Variants in USP25 observed in about 807,000 individuals in gnomAD.
USP25 encodes ubiquitin carboxyl-terminal hydrolase 25.
In USP25, 85 loss-of-function variants were observed where a neutral mutation model predicts 158.5. That is an observed-to-expected ratio of 0.54 (90% CI 0.45 to 0.64). USP25 has a LOEUF of 0.64. Ranked by LOEUF, USP25 falls within the 30% of genes least tolerant of loss-of-function variation. USP25 has a pLI of 0.00. For synonymous variants in USP25, 464 were observed against 460.4 expected (o/e 1.01, Z -0.10); for missense variants, 1,242 against 1,327.3 (o/e 0.94, Z 1.00).
intron 1 of USP25, among the ~76,000 whole-genome samples, chr21:15,742,351 A>G (rs1027575171): frequency 6.6e-6 from 1 of 152,170 alleles, no homozygotes; most frequent in African/African-American, 2.4e-5. Flanking sequence ...GCCAGGAATG[A>G]TGTACCATTA....
rs1165765079 is a variant in USP25, at chr21:15,816,749, A to G, written c.932-1949A>G. Among the ~76,000 whole-genome samples, 1 of 152,066 alleles carries G rather than the reference A, an allele frequency of 6.6e-6. No individual in the cohort carries two copies. ...AACTGTCTTCTCAAATTGAAATCTCATGGATCATAATGAACCAGTGATTTC... is the reference window on the plus strand; with the variant it reads ...AACTGTCTTCTCAAATTGAAATCTCGTGGATCATAATGAACCAGTGATTTC... On this transcript the variant is annotated intron_variant, in intron 9 of 25. Transcript: ENST00000400183. This position sits in a 1 kb window ranked among gnomAD's most constrained non-coding sequence, Gnocchi z 4.0.
chr21:15,791,075 C>G (rs528952011), intron 4 of USP25, among the ~76,000 whole-genome samples: 1 of 151,506 alleles, frequency 6.6e-6, no homozygotes, highest in Admixed American at 6.6e-5. Flanking sequence ...ACTAAGTGGT[C>G]GGTGATAAAA....
intron 1 of USP25, among the ~76,000 whole-genome samples, chr21:15,755,772 T>C (rs1461636651): frequency 6.6e-6 from 1 of 152,164 alleles, no homozygotes; most frequent in African/African-American, 2.4e-5. Context: ...CATACAAATT[T>C]ATTGACATGG....
chr21:15,855,510 G>T (rs1243912145), intron 20 of USP25, among the ~76,000 whole-genome samples: 1 of 152,096 alleles, frequency 6.6e-6, no homozygotes, highest in African/African-American at 2.4e-5. Context: ...TTCCCTAAAG[G>T]TATACGCAGG....
intron 24 of USP25, chr21:15,877,155 A>T (rs908980399): frequency 6.6e-6 from 1 of 152,216 alleles, no homozygotes; most frequent in Non-Finnish European, 1.5e-5. Context: ...CAGAAACTTC[A>T]TGGCCTTCAA....
intron 4 of USP25, among the ~76,000 whole-genome samples, chr21:15,788,330 A>G (rs879368997): frequency 1.3e-5 from 2 of 152,036 alleles, no homozygotes; most frequent in Non-Finnish European, 2.9e-5. Context: ...GTACTAGATT[A>G]TAGAAGGGGA....
chr21:15,823,097 A>G (rs1202596991), intron 10 of USP25, among the ~76,000 whole-genome samples: 4 of 152,070 alleles, frequency 2.6e-5, no homozygotes, highest in African/African-American at 9.7e-5. Context: ...ACTTATTGAC[A>G]GATGTGTGGT....
chr21:15,772,555 A>T (rs1443122389), intron 3 of USP25, among the ~76,000 whole-genome samples: 1 of 152,196 alleles, frequency 6.6e-6, no homozygotes, highest in African/African-American at 2.4e-5. Context: ...TGGCATTGAG[A>T]TGGAAGTTTT....
chr21:15,811,216 G>GTTTTTATTTT lies in USP25; in HGVS notation c.931+8_931+9insTTTATTTTTT, dbSNP rs1473771004. The stretch of plus-strand genomic sequence containing the variant: ...GGCTGTGGGAGTACTTGAAGGTAGA[G>GTTTTTATTTT]TTATACATTTACTTTTTATTGCAAG... On this transcript the variant is annotated splice_region_variant and intron_variant, in intron 9 of 25. Coordinates refer to ENST00000400183, the MANE Select transcript of USP25 (RefSeq NM_001283041.3). 6.2e-7 allele frequency: 1 copy of GTTTTTATTTT among 1,604,144 alleles called. No individual in the cohort carries two copies. Among genetic ancestry groups the GTTTTTATTTT allele is most frequent in the Non-Finnish European group, 8.5e-7 (1 of 1,175,844 alleles).
intron 9 of USP25, among the ~76,000 whole-genome samples, chr21:15,811,877 C>A (rs1750761813): frequency 6.6e-6 from 1 of 152,110 alleles, no homozygotes; most frequent in East Asian, 1.9e-4. Context: ...TCACCCAATG[C>A]ATCAACTTTT....
At chr21:15,778,539 C>T (rs373715900) in intron 4 of USP25, among the ~76,000 whole-genome samples, 10 of 151,964 alleles carry the variant, frequency 6.6e-5, no homozygotes, top group Admixed American at 5.2e-4. Flanking sequence ...GTCCTCTCGG[C>T]TGTGGTTTGC....
intron 17 of USP25, among the ~76,000 whole-genome samples, chr21:15,841,497 C>A (rs1386503856): frequency 2.6e-5 from 4 of 151,870 alleles, no homozygotes; most frequent in African/African-American, 7.3e-5. Flanking sequence ...TCATATTATT[C>A]TTTTTTTTGA....
Position 15,766,152 on chromosome 21 carries a change from T to A in USP25, c.268+11T>A. 3 of 1,581,432 alleles carry A rather than the reference T, an allele frequency of 1.9e-6. No homozygotes were observed. Among genetic ancestry groups the A allele is most frequent in the Non-Finnish European group, 2.6e-6 (3 of 1,170,678 alleles). On this transcript the variant is annotated intron_variant, in intron 3 of 25. Transcript: ENST00000400183. The surrounding 1 kb of genome is among the most constrained non-coding windows in gnomAD (Gnocchi z 4.0). ...GCCAAGCAGATACAAGTAAGTTTTCTTTCTTTTCTTATTATTTTAATAGAA... is the reference window on the plus strand; with the variant it reads ...GCCAAGCAGATACAAGTAAGTTTTCATTCTTTTCTTATTATTTTAATAGAA...
At chr21:15,804,743 A>G (rs2036295072) in intron 6 of USP25, among the ~76,000 whole-genome samples, 1 of 152,086 alleles carries the variant, frequency 6.6e-6, no homozygotes, top group Admixed American at 6.6e-5. Flanking sequence ...TGTAGTGAAC[A>G]CTCATTGAAT....
At chr21:15,866,485 T>A in intron 22 of USP25, 141 bp downstream of exon 22, 1 of 456,948 alleles carries the variant, frequency 2.2e-6, no homozygotes, top group Non-Finnish European at 3.7e-6. Flanking sequence ...AATGCTCAAG[T>A]AATTAATAAT....
intron 3 of USP25, among the ~76,000 whole-genome samples, chr21:15,773,088 C>G (rs2034447458): frequency 6.6e-6 from 1 of 152,216 alleles, no homozygotes; most frequent in South Asian, 2.1e-4. Flanking sequence ...TTGTTAGTCT[C>G]TGGTCTCAAC....
chr21:15,738,398 G>T (rs2031722768), intron 1 of USP25, among the ~76,000 whole-genome samples: 1 of 152,112 alleles, frequency 6.6e-6, no homozygotes, highest in South Asian at 2.1e-4. Context: ...AGATCTTTAT[G>T]ATACAGGATG....
intron 1 of USP25, among the ~76,000 whole-genome samples, chr21:15,760,381 T>C (rs1374567889): frequency 6.6e-6 from 1 of 152,164 alleles, no homozygotes; most frequent in Non-Finnish European, 1.5e-5. Context: ...TTTAAAGACT[T>C]GATGTTGGGT....
chr21:15,874,375 TG>T (rs1378988721), intron 23 of USP25, 27 bp from the exon 24 acceptor site: 18 of 1,565,642 alleles, frequency 1.1e-5, no homozygotes, highest in Non-Finnish European at 1.6e-5. Flanking sequence ...GAAATACTAA[TG>T]TTATATGTTT....
Sources: allele counts gnomAD v4.1 joint callset (sites outside exome capture counted in the v4.1 genomes callset), GRCh38; gene constraint gnomAD v4.1.1; non-coding constraint Gnocchi (gnomAD v3.1); transcripts MANE v1.5; gene names NCBI Gene and HGNC (gene_info 2026-07-23, HGNC 2026-07-21).